The following ZNF534 variants were observed in gnomAD, a reference collection of about 807,000 sequenced individuals.
ZNF534 encodes KRAB domain only 3.
A neutral mutation model predicts 13.6 loss-of-function variants in ZNF534; 19 were observed. That is an observed-to-expected ratio of 1.40 (90% CI 0.97 to 2.05). The LOEUF (loss-of-function observed/expected upper bound fraction) is 2.05. ZNF534 is among the 30% of genes most tolerant of loss of function. The pLI, the probability that ZNF534 is intolerant of heterozygous loss-of-function variation, is 0.00. For synonymous variants in ZNF534, 244 were observed against 273.8 expected, an observed-to-expected ratio of 0.89 and a Z score of 1.07; for missense variants, 782 against 796.3, an observed-to-expected ratio of 0.98 and a Z score of 0.22.
intron 4 of ZNF534, among the ~76,000 whole-genome samples, chr19:52,437,091 T>A (rs776852328): frequency 9.2e-5 from 14 of 152,194 alleles, no homozygotes; most frequent in African/African-American, 1.2e-4. Flanking sequence ...GTATCTTTCC[T>A]GACTTTGTGA....
chr19:52,435,111 C>T lies in ZNF534; in HGVS notation c.173C>T (p.Ser58Phe), dbSNP rs188321362. The change falls in exon 4 of 5, where the codon TCC becomes TTC. Residue 58 changes from serine to phenylalanine, a missense_variant. Physicochemically the swap from Ser to Phe is radical, Grantham distance 155. Around this residue, in one of 5 missense-constraint regions of ZNF534, gnomAD observed 30 missense variants for 55.4 expected, o/e 0.54. Transcript: ENST00000433050. Reference sequence around the variant, plus strand: ...TGTCTTCCTGACCTGAGTGTTACCTCCATGTTGGAGCAAAAGAGAGATCCC... The same window carrying T: ...TGTCTTCCTGACCTGAGTGTTACCTTCATGTTGGAGCAAAAGAGAGATCCC... Reference protein sequence around the residue: ...GICLPDLSVTSMLEQKRDPWT... With the variant: ...GICLPDLSVTFMLEQKRDPWT... 2.6e-3 allele frequency: 4,167 copies of T among 1,612,946 alleles called. 12 individuals carry two copies. Among genetic ancestry groups the T allele is most frequent in the South Asian group, 6.7e-3 (612 of 90,940 alleles).
chr19:52,449,183 T>C (rs1345624531), intron 4 of ZNF534, among the ~76,000 whole-genome samples: 1 of 152,190 alleles, frequency 6.6e-6, no homozygotes, highest in Non-Finnish European at 1.5e-5. Context: ...AATGACAAGA[T>C]TTTATTCTTT....
downstream of ZNF534, among the ~76,000 whole-genome samples, chr19:52,443,895 G>A (rs1033320398): frequency 1.3e-5 from 2 of 151,840 alleles, no homozygotes; most frequent in Non-Finnish European, 2.9e-5. Flanking sequence ...TTTTATTTAT[G>A]CTATTTATTT....
chr19:52,445,887 A>G (rs1217181064), downstream of ZNF534, among the ~76,000 whole-genome samples: 1 of 152,174 alleles, frequency 6.6e-6, no homozygotes, highest in Non-Finnish European at 1.5e-5. Flanking sequence ...TCCTTATTAT[A>G]TGTATAATTT....
rs929837394 is a variant in ZNF534 at position 52,439,866 on chromosome 19, C to T, written c.*420C>T. On this transcript the variant is annotated 3_prime_UTR_variant, in exon 5 of 5. Coordinates refer to ENST00000433050, the MANE Select transcript of ZNF534 (RefSeq NM_001143938.3). Reference sequence around the variant, plus strand: ...GCCAGATCACCTGAGGTTAGAAGTTCGAGACCAGCCTGACCAACATGGAGA... The same window carrying T: ...GCCAGATCACCTGAGGTTAGAAGTTTGAGACCAGCCTGACCAACATGGAGA... Among the ~76,000 whole-genome samples, 2 of 151,864 alleles carry T rather than the reference C, an allele frequency of 1.3e-5. No individual in the cohort carries two copies. Among genetic ancestry groups the T allele is most frequent in the African/African-American group, 4.8e-5 (2 of 41,320 alleles).
rs1212718888 is a variant in ZNF534 at position 52,438,165 on chromosome 19, C to T, written c.705C>T (p.Ile235=). Residue 235 remains isoleucine (I), a synonymous_variant, in exon 5 of 5, where the codon ATC becomes ATT. Coordinates refer to ENST00000433050, the MANE Select transcript of ZNF534 (RefSeq NM_001143938.3). ...SNSNFAQHQR[I]HTGEKPYKYN... is the part of the protein sequence containing the mutation. ...CAAACTTTGCACAACATCAACGAAT[C>T]CATACTGGAGAGAAGCCTTACAAAT... 6.2e-7 allele frequency: 1 copy of T among 1,613,798 alleles called. No homozygotes were observed. Among genetic ancestry groups the T allele is most frequent in the Non-Finnish European group, 8.5e-7 (1 of 1,179,894 alleles).
intron 2 of ZNF534, among the ~76,000 whole-genome samples, chr19:52,433,533 A>G (rs963572021): frequency 6.6e-6 from 1 of 151,718 alleles, no homozygotes; most frequent in Non-Finnish European, 1.5e-5. Flanking sequence ...CGCCTGGCTA[A>G]TTTTTTGTAT....
chr19:52,444,178 C>G (rs1381856754), downstream of ZNF534, among the ~76,000 whole-genome samples: 1 of 152,054 alleles, frequency 6.6e-6, no homozygotes, highest in Non-Finnish European at 1.5e-5. Context: ...AGATTCTTGT[C>G]CCATGGGGTA....
Position 52,433,613 on chromosome 19 carries a change from G to A in ZNF534, c.16-342G>A, listed in dbSNP as rs1045643132. 3.9e-5 allele frequency among the ~76,000 whole-genome samples: 6 copies of A among 152,286 alleles called. No homozygotes were observed. In the East Asian group the frequency reaches 5.8e-4, roughly 15 times the overall value. On this transcript the variant is annotated intron_variant, in intron 2 of 4. Transcript: ENST00000433050. ...GATCTCCTGACCTCGTGATCCGACC[G>A]CCTTGGCCTCCCAAAATGCTGGGAT... is the stretch of plus-strand genomic sequence containing the variant.
chr19:52,438,927 T>C lies in ZNF534; in HGVS notation c.1467T>C (p.Thr489=). 3 of 1,593,678 alleles carry C rather than the reference T, an allele frequency of 1.9e-6. No individual in the cohort carries two copies. The highest frequency in any genetic ancestry group is 1.7e-6 in the Non-Finnish European group (2 of 1,167,782). Residue 489 remains threonine (T), a synonymous_variant, in exon 5 of 5, where the codon ACT becomes ACC. Coordinates refer to ENST00000433050, the MANE Select transcript of ZNF534 (RefSeq NM_001143938.3). ...TTCAACGACATAGGAAAATTCATACTGGAGAGAAGCTTTACAAATGTAATG... is the reference window on the plus strand; with the variant it reads ...TTCAACGACATAGGAAAATTCATACCGGAGAGAAGCTTTACAAATGTAATG... ...SNLQRHRKIH[T]GEKLYKCNEC...
chr19:52,439,398 T>G lies in ZNF534; in HGVS notation c.1938T>G (p.Asn646Lys). 1 of 1,549,282 alleles carries G rather than the reference T, an allele frequency of 6.5e-7. No individual in the cohort carries two copies. The highest frequency in any genetic ancestry group is 1.2e-5 in the South Asian group (1 of 83,616). The part of the protein sequence containing the change: ...CNECGKVFSK[N>K]SILVQHCSIH... ...AATGTGGCAAGGTCTTTAGTAAAAA[T>G]TCCATCCTAGTACAACATTGCAGTA... Residue 646 changes from asparagine to lysine, a missense_variant, in exon 5 of 5, where the codon AAT becomes AAG. Coordinates refer to ENST00000433050, the MANE Select transcript of ZNF534 (RefSeq NM_001143938.3).
chr19:52,434,003 T>C lies in ZNF534; in HGVS notation c.64T>C (p.Trp22Arg), dbSNP rs373113862. ...DVAIEFSQEE[W>R]KCLDPGQKAL... ...GGCCATAGAATTCTCTCAGGAGGAG[T>C]GGAAATGCCTGGACCCTGGGCAGAA... The change falls in exon 3 of 5, where the codon TGG (tryptophan) becomes CGG (arginine). Residue 22 changes from tryptophan (W) to arginine (R), a missense_variant. Trp to Arg is a moderately radical substitution (Grantham distance 101, BLOSUM62 -3). Around this residue, in one of 5 missense-constraint regions of ZNF534, gnomAD observed 81 missense variants for 63.5 expected, o/e 1.28. Coordinates refer to ENST00000433050, the MANE Select transcript of ZNF534 (RefSeq NM_001143938.3). The C allele has an allele frequency of 1.9e-6, 3 of 1,613,752 alleles. No individual in the cohort carries two copies. Among genetic ancestry groups the C allele is most frequent in the African/African-American group, 1.3e-5 (1 of 74,816 alleles).
At chr19:52,445,649 C>G (rs1351800902), downstream of ZNF534, among the ~76,000 whole-genome samples, 1 of 152,192 alleles carries the variant, frequency 6.6e-6, no homozygotes, top group Non-Finnish European at 1.5e-5. Flanking sequence ...TGGGGTGTCT[C>G]CTGGGTCCTG....
At chr19:52,451,333 G>A in exon 5 of ZNF534, 1 of 1,115,642 alleles carries the variant, frequency 9.0e-7, no homozygotes, top group Non-Finnish European at 1.3e-6. Flanking sequence ...ATTTCCTTCC[G>A]TTTCTGCTTC....
intron 2 of ZNF534, among the ~76,000 whole-genome samples, chr19:52,433,199 C>G (rs1041819209): frequency 5.4e-5 from 8 of 147,368 alleles, no homozygotes; most frequent in African/African-American, 7.6e-5. Flanking sequence ...ATATCACACC[C>G]CTGCACTCCA....
In ZNF534 at chr19:52,429,769, A is replaced by G. The variant is rs138125725; in HGVS notation, c.-68+525A>G. On this transcript the variant is annotated intron_variant, in intron 1 of 4. Coordinates refer to ENST00000433050, the MANE Select transcript of ZNF534 (RefSeq NM_001143938.3). ...CGCCACCATGCCTCTCTAATTTTGTATTTTTAGTAGAGATGGGGTTTCACC... is the reference window on the plus strand; with the variant it reads ...CGCCACCATGCCTCTCTAATTTTGTGTTTTTAGTAGAGATGGGGTTTCACC... 5.2e-3 allele frequency among the ~76,000 whole-genome samples: 789 copies of G among 150,850 alleles called. 14 individuals carry two copies. Among genetic ancestry groups the G allele is most frequent in the Non-Finnish European group, 3.7e-3 (249 of 67,644 alleles).
chr19:52,447,778 C>G (rs922588201), intron 4 of ZNF534, among the ~76,000 whole-genome samples: 4 of 152,198 alleles, frequency 2.6e-5, no homozygotes, highest in African/African-American at 7.2e-5. Flanking sequence ...AAATAAACCC[C>G]ATTAAATCAT....
rs1404270173 is a variant in ZNF534, at chr19:52,438,037, A to G, written c.577A>G (p.Lys193Glu). Residue 193 changes from lysine to glutamate, a missense_variant, in exon 5 of 5, where the codon AAA (lysine) becomes GAA (glutamate). Coordinates refer to ENST00000433050, the MANE Select transcript of ZNF534 (RefSeq NM_001143938.3). ...GCCTTATGGATGTAATGAGCATGGG[A>G]AAGTCTTCAGAGTGTCTTCAAGCCT... ...EKPYGCNEHG[K>E]VFRVSSSLTN... The G allele has an allele frequency of 2.5e-6, 4 of 1,614,174 alleles. No homozygotes were observed. In the Admixed American group the frequency reaches 5.0e-5, roughly 20 times the overall value.
chr19:52,438,065 C>A lies in ZNF534; in HGVS notation c.605C>A (p.Thr202Asn). ...GKVFRVSSSL[T>N]NRQVIHIADK... Reference sequence around the variant, plus strand: ...GTCTTCAGAGTGTCTTCAAGCCTTACTAACCGTCAAGTAATCCACATTGCA... The same window carrying A: ...GTCTTCAGAGTGTCTTCAAGCCTTAATAACCGTCAAGTAATCCACATTGCA... The change falls in exon 5 of 5, where the codon ACT (threonine) becomes AAT (asparagine). Residue 202 changes from threonine to asparagine, a missense_variant. Physicochemically the swap from Thr to Asn is moderately conservative, Grantham distance 65. This residue lies in a region of ZNF534 where 591 missense variants were observed against 574.0 expected (regional missense o/e 1.03). Coordinates refer to ENST00000433050, the MANE Select transcript of ZNF534 (RefSeq NM_001143938.3). 6.2e-7 allele frequency: 1 copy of A among 1,614,192 alleles called. No homozygotes were observed. The highest frequency in any genetic ancestry group is 8.5e-7 in the Non-Finnish European group (1 of 1,180,044).
Sources: gnomAD v4.1 joint callset for allele counts (sites outside exome capture counted in the v4.1 genomes callset) on GRCh38, gnomAD v4.1.1 for gene constraint, gnomAD v4.1.1 regional missense constraint, MANE v1.5 for transcripts, NCBI Gene and HGNC (gene_info 2026-07-23, HGNC 2026-07-21) for gene names.